The following NRCAM variants were observed in gnomAD, a reference collection of about 807,000 sequenced individuals.
NRCAM encodes the protein NgCAM-related cell adhesion molecule.
In NRCAM, 83 loss-of-function variants were observed where a neutral mutation model predicts 156.5. The observed-to-expected ratio is 0.53, with a 90% CI of 0.44 to 0.64. The LOEUF is 0.64. Among genes scored for constraint, NRCAM ranks in the 30% least tolerant of loss-of-function variants. The pLI is 0.00. For missense variants in NRCAM, 1,417 were observed against 1,597.3 expected, an observed-to-expected ratio of 0.89 and a Z score of 1.92; for synonymous variants, 538 against 563.9, an observed-to-expected ratio of 0.95 and a Z score of 0.65.
chr7:108,158,474 T>C (rs2046871308), intron 32 of NRCAM, among the ~76,000 whole-genome samples: 2 of 152,140 alleles, frequency 1.3e-5, no homozygotes, highest in African/African-American at 4.8e-5. Context: ...GACATGATAG[T>C]GACATGGAAA....
intron 2 of NRCAM, among the ~76,000 whole-genome samples, chr7:108,318,378 G>C (rs1394424785): frequency 6.6e-6 from 1 of 152,004 alleles, no homozygotes; most frequent in Non-Finnish European, 1.5e-5. Context: ...AGACCCAGGG[G>C]GTTCTGGTGC....
chr7:108,347,855 C>G (rs1472329453), intron 2 of NRCAM, among the ~76,000 whole-genome samples: 1 of 152,178 alleles, frequency 6.6e-6, no homozygotes, highest in African/African-American at 2.4e-5. Context: ...ACTCTGTTCC[C>G]CAGCCAGTGA....
At chr7:108,181,229 A>C (rs1219432821) in intron 24 of NRCAM, among the ~76,000 whole-genome samples, 1 of 152,044 alleles carries the variant, frequency 6.6e-6, no homozygotes, top group Non-Finnish European at 1.5e-5. Context: ...GTAGTACAAA[A>C]AGTGACCTCT....
At chr7:108,186,881 T>C (rs1439211583) in intron 20 of NRCAM, among the ~76,000 whole-genome samples, 1 of 152,232 alleles carries the variant, frequency 6.6e-6, no homozygotes, top group Non-Finnish European at 1.5e-5. Flanking sequence ...TTGCTTTTTA[T>C]CACAGCAAAC....
In NRCAM at chr7:108,148,524, A is replaced by C. The variant is rs2039853223; in HGVS notation, c.*1386T>G. On this transcript the variant is annotated 3_prime_UTR_variant, in exon 33 of 33. Transcript: ENST00000379028. ...TATTTGGAGGTAACCCATTTGATAG[A>C]TATTGTTTATGAATACGATAGAATA... 6.6e-6 allele frequency: 1 copy of C among 152,660 alleles called. No homozygotes were observed. The highest frequency in any genetic ancestry group is 1.5e-5 in the Non-Finnish European group (1 of 68,036). 9.5% of individuals were successfully genotyped at this position (152,660 alleles called of 1,614,324 possible).
chr7:108,358,934 T>C (rs374417937), intron 2 of NRCAM, among the ~76,000 whole-genome samples: 17 of 152,330 alleles, frequency 1.1e-4, no homozygotes, highest in Middle Eastern at 3.4e-3. Context: ...AGAATCATTC[T>C]AGGGGTTGTC....
At position 108,272,726 on chromosome 7, in the gene NRCAM, A is replaced by T. The variant is rs1439438494; in HGVS notation, c.-106-32556T>A. Among the ~76,000 whole-genome samples the T allele has an allele frequency of 2.6e-5, 4 of 152,056 alleles. 1 individual carries two copies. Among genetic ancestry groups the T allele is most frequent in the Admixed American group, 2.6e-4 (4 of 15,252 alleles). On this transcript the variant is annotated intron_variant, in intron 3 of 32. Transcript: ENST00000379028. ...CATGTTATCTTTCAAAAATAAAAATACTAAAAATAATCCAGAATTCTATTT... is the reference window on the plus strand; with the variant it reads ...CATGTTATCTTTCAAAAATAAAAATTCTAAAAATAATCCAGAATTCTATTT...
At chr7:108,430,621 G>C (rs778792046) in intron 1 of NRCAM, among the ~76,000 whole-genome samples, 9 of 152,142 alleles carry the variant, frequency 5.9e-5, no homozygotes, top group Non-Finnish European at 1.3e-4. Context: ...AATATATCTA[G>C]TGGCTAGAAC....
intron 13 of NRCAM, among the ~76,000 whole-genome samples, chr7:108,206,393 A>G (rs777903435): frequency 1.3e-4 from 20 of 152,230 alleles, no homozygotes; most frequent in Non-Finnish European, 1.6e-4. Flanking sequence ...GTCAAAGCCA[A>G]TCTGTCCTGT....
At chr7:108,267,380 A>C (rs1007897022) in intron 3 of NRCAM, among the ~76,000 whole-genome samples, 1 of 152,248 alleles carries the variant, frequency 6.6e-6, no homozygotes, top group Non-Finnish European at 1.5e-5. Context: ...ATAATATAGC[A>C]ATTGCTCCCT....
At chr7:108,384,875 CTT>C (rs2099734941) in intron 2 of NRCAM, among the ~76,000 whole-genome samples, 1 of 152,308 alleles carries the variant, frequency 6.6e-6, no homozygotes, top group South Asian at 2.1e-4. Flanking sequence ...AGTTTTTGTG[CTT>C]GACAGATACT....
At position 108,383,387 on chromosome 7, in the gene NRCAM, G is replaced by A. The variant is rs1357752222; in HGVS notation, c.-174+16049C>T. Among the ~76,000 whole-genome samples the A allele has an allele frequency of 9.2e-5, 14 of 152,310 alleles. 1 individual carries two copies. Among genetic ancestry groups the A allele is most frequent in the South Asian group, 2.1e-4 (1 of 4,832 alleles). On this transcript the variant is annotated intron_variant, in intron 2 of 32. Transcript: ENST00000379028. The stretch of plus-strand genomic sequence containing the variant: ...ATAAAGACAAAAGCTGTCTTTTCTT[G>A]TAACATTAAAGTGAAAACAAATAAG...
chr7:108,455,673 G>A (rs891295971), intron 1 of NRCAM, among the ~76,000 whole-genome samples: 2 of 152,188 alleles, frequency 1.3e-5, no homozygotes, highest in Admixed American at 6.5e-5. Context: ...CGAACTCCGT[G>A]GTCAGCACAG....
intron 32 of NRCAM, among the ~76,000 whole-genome samples, chr7:108,157,068 G>A (rs993454811): frequency 2.0e-5 from 3 of 152,036 alleles, no homozygotes; most frequent in Non-Finnish European, 2.9e-5. Flanking sequence ...TTGCTTGTGG[G>A]ATTGTCCTTA....
intron 3 of NRCAM, among the ~76,000 whole-genome samples, chr7:108,279,300 T>G (rs1384465511): frequency 6.6e-6 from 1 of 152,218 alleles, no homozygotes; most frequent in Non-Finnish European, 1.5e-5. Context: ...GTGAAAATAT[T>G]TGACATTTTT....
chr7:108,364,995 T>G (rs1187851246), intron 2 of NRCAM, among the ~76,000 whole-genome samples: 1 of 152,170 alleles, frequency 6.6e-6, no homozygotes, highest in Non-Finnish European at 1.5e-5. Context: ...TAGCTGTTAT[T>G]AAAAAATAAT....
rs2097780311 is a variant in NRCAM at position 108,279,684 on chromosome 7, C to T, written c.-107+32981G>A. 2.0e-5 allele frequency among the ~76,000 whole-genome samples: 3 copies of T among 148,236 alleles called. No individual in the cohort carries two copies. The Admixed American group carries it at 2.0e-4, about 10-fold the overall frequency. On this transcript the variant is annotated intron_variant, in intron 3 of 32. Transcript: ENST00000379028. The stretch of plus-strand genomic sequence containing the variant: ...TCAAAGAATCCTCTCGCCTCTGCCT[C>T]CCAAGTAGCTGGCACTACAACCATG...
At chr7:108,320,687 CTAAT>C (rs1168927073) in intron 2 of NRCAM, among the ~76,000 whole-genome samples, 1 of 152,146 alleles carries the variant, frequency 6.6e-6, no homozygotes, top group Non-Finnish European at 1.5e-5. Context: ...GGAAACTTAA[CTAAT>C]TGTTGTACAA....
Position 108,390,521 on chromosome 7 carries a change from C to T in NRCAM, c.-174+8915G>A, listed in dbSNP as rs1410834773. 2.6e-5 allele frequency among the ~76,000 whole-genome samples: 4 copies of T among 151,994 alleles called. No homozygotes were observed. In the East Asian group the frequency reaches 7.7e-4, roughly 29 times the overall value. ...AATTTTGTTGATTTTTTTAAAAAAC[C>T]AGCTCCTGGATGCATTGATTTTTTG... On this transcript the variant is annotated intron_variant, in intron 2 of 32. Transcript: ENST00000379028.
Sources: gnomAD v4.1 joint callset for allele counts (sites outside exome capture counted in the v4.1 genomes callset) on GRCh38, gnomAD v4.1.1 for gene constraint, MANE v1.5 for transcripts, NCBI Gene and HGNC (gene_info 2026-07-23, HGNC 2026-07-21) for gene names.